Variants in KDM5B observed in about 807,000 individuals in gnomAD.
The protein encoded by KDM5B is lysine-specific demethylase 5B.
Under a neutral mutation model 193.4 loss-of-function variants are expected in KDM5B, and 144 were observed. The observed-to-expected ratio is 0.74, with a 90% CI of 0.65 to 0.86. The LOEUF (loss-of-function observed/expected upper bound fraction) is 0.86. KDM5B is among the 40% of genes least tolerant of loss of function. KDM5B has a pLI of 0.00. For missense variants in KDM5B, 1,833 were observed against 1,886.9 expected (o/e 0.97, Z 0.53); for synonymous variants, 668 against 682.6 (o/e 0.98, Z 0.33).
intron 4 of KDM5B, among the ~76,000 whole-genome samples, chr1:202,772,119 CTA>C (rs1411696569): frequency 6.6e-6 from 1 of 152,118 alleles, no homozygotes; most frequent in African/African-American, 2.4e-5. Flanking sequence ...CCCTCAAAAA[CTA>C]TGTTATTCTC....
intron 14 of KDM5B, among the ~76,000 whole-genome samples, chr1:202,747,130 C>T (rs1374771387): frequency 6.6e-6 from 1 of 152,088 alleles, no homozygotes; most frequent in African/African-American, 2.4e-5. Flanking sequence ...TTCTGTTATC[C>T]TGTATTTTAA....
chr1:202,760,517 C>A lies in KDM5B; in HGVS notation c.975G>T (p.Leu325=). The A allele has an allele frequency of 1.2e-6, 2 of 1,613,474 alleles. No homozygotes were observed. Among genetic ancestry groups the A allele is most frequent in the Non-Finnish European group, 1.7e-6 (2 of 1,179,644 alleles). ...AACTGTCATCACAGCCATCACACAA[C>A]AGTAGCCGGTCTTCATCATTGCCAC... ...CGSGNDEDRL[L]LCDGCDDSYH... The change falls in exon 8 of 27, where the codon CTG becomes CTT. Residue 325 remains leucine (L), a synonymous_variant. Transcript: ENST00000367265.
At chr1:202,730,273 C>T (rs889587822) in intron 25 of KDM5B, among the ~76,000 whole-genome samples, 2 of 152,168 alleles carry the variant, frequency 1.3e-5, no homozygotes, top group African/African-American at 4.8e-5. Context: ...ATGTTAAAGA[C>T]GTGATTACCC....
intron 1 of KDM5B, among the ~76,000 whole-genome samples, chr1:202,780,830 G>A (rs1435501011): frequency 2.0e-5 from 3 of 149,990 alleles, no homozygotes; most frequent in Non-Finnish European, 4.4e-5. Flanking sequence ...GGCAAAAGCT[G>A]TAATTTTGCC....
chr1:202,752,979 C>CA lies in KDM5B; in HGVS notation c.1626dup (p.Val543CysfsTer23), dbSNP rs755833290. 6.2e-7 allele frequency: 1 copy of CA among 1,614,080 alleles called. No individual in the cohort carries two copies. The highest frequency in any genetic ancestry group is 8.5e-7 in the Non-Finnish European group (1 of 1,180,000). On this transcript the variant is annotated frameshift_variant, in exon 12 of 27. Coordinates refer to ENST00000367265, the MANE Select transcript of KDM5B (RefSeq NM_006618.5). LOFTEE classifies it high-confidence loss of function. ...TGATGGAGGAGATCCGGCTGGGACACAAAGAGTTCTGGAGCTAGTTTCTTC... is the reference window on the plus strand; with the variant it reads ...TGATGGAGGAGATCCGGCTGGGACACAAAAGAGTTCTGGAGCTAGTTTCTTC...
chr1:202,799,394 C>A (rs1234504019), intron 1 of KDM5B, among the ~76,000 whole-genome samples: 1 of 152,188 alleles, frequency 6.6e-6, no homozygotes, highest in Non-Finnish European at 1.5e-5. Context: ...TGGCTCGCGC[C>A]TGTAATCCCA....
intron 1 of KDM5B, among the ~76,000 whole-genome samples, chr1:202,794,035 T>C (rs947142177): frequency 2.0e-5 from 3 of 152,154 alleles, no homozygotes; most frequent in African/African-American, 7.2e-5. Context: ...CAGGCAAAAG[T>C]CTAAAGACCT....
At chr1:202,755,138 C>T (rs1655956150) in intron 11 of KDM5B, 133 bp downstream of exon 11, 1 of 621,612 alleles carries the variant, frequency 1.6e-6, no homozygotes, top group Admixed American at 2.9e-5. Context: ...CCTGTTCTAA[C>T]AGAAGTGAAA....
chr1:202,765,397 C>A (rs1386777165), intron 5 of KDM5B, among the ~76,000 whole-genome samples: 1 of 152,168 alleles, frequency 6.6e-6, no homozygotes, highest in Non-Finnish European at 1.5e-5. Flanking sequence ...TGGAACTGTG[C>A]TTTCTCACTT....
chr1:202,741,217 CT>C (rs1473127569), intron 19 of KDM5B, 149 bp downstream of exon 19: 6 of 521,904 alleles, frequency 1.1e-5, no homozygotes, highest in Non-Finnish European at 2.0e-5. Flanking sequence ...CCCAAAGCAG[CT>C]CCAAATATCT....
intron 5 of KDM5B, among the ~76,000 whole-genome samples, chr1:202,766,177 T>C (rs1167205501): frequency 6.6e-6 from 1 of 152,118 alleles, no homozygotes; most frequent in Non-Finnish European, 1.5e-5. Flanking sequence ...ATCATGCCAC[T>C]GCACTCCAGT....
Position 202,808,254 on chromosome 1 carries a change from C to CGA in KDM5B, c.50_51dup (p.Gly18SerfsTer39). The CGA allele has an allele frequency of 6.2e-7, 1 of 1,610,582 alleles. No individual in the cohort carries two copies. Among genetic ancestry groups the CGA allele is most frequent in the Non-Finnish European group, 8.5e-7 (1 of 1,178,942 alleles). ...AACTCGCCCAGCGGGCCCGGGCCCC[C>CGA]GAGGGGCAGCGCCGGGCGCGGGCCT... On this transcript the variant is annotated frameshift_variant, in exon 1 of 27. Coordinates refer to ENST00000367265, the MANE Select transcript of KDM5B (RefSeq NM_006618.5). LOFTEE classifies it high-confidence loss of function.
At chr1:202,766,381 C>A in intron 5 of KDM5B, 1 of 352,616 alleles carries the variant, frequency 2.8e-6, no homozygotes, top group East Asian at 9.6e-5. Context: ...TGGCACACGC[C>A]TGTAGTCCCA....
At chr1:202,766,339 C>T in intron 5 of KDM5B, 1 of 309,494 alleles carries the variant, frequency 3.2e-6, no homozygotes, top group South Asian at 2.5e-5. Context: ...TCGGTCTCTA[C>T]TAAAAATACA....
chr1:202,788,606 T>C (rs1399993361), intron 1 of KDM5B, among the ~76,000 whole-genome samples: 1 of 151,426 alleles, frequency 6.6e-6, no homozygotes, highest in African/African-American at 2.4e-5. Flanking sequence ...GTAGGTCCTC[T>C]AAACAGGAAA....
chr1:202,796,501 T>TG (rs368226169), intron 1 of KDM5B: 1 of 190,402 alleles, frequency 5.3e-6, no homozygotes, highest in African/African-American at 2.4e-5. Context: ...TACATAACCT[T>TG]GGTAGCTGGT....
intron 1 of KDM5B, among the ~76,000 whole-genome samples, chr1:202,782,353 C>A (rs1053011928): frequency 4.6e-5 from 7 of 152,118 alleles, no homozygotes; most frequent in Admixed American, 3.9e-4. Flanking sequence ...CTCAATGGGA[C>A]ACGAATTTTT....
chr1:202,772,292 A>C (rs963174307), intron 4 of KDM5B, among the ~76,000 whole-genome samples: 1 of 152,196 alleles, frequency 6.6e-6, no homozygotes, highest in African/African-American at 2.4e-5. Flanking sequence ...GTTTTACCTA[A>C]AAGTTTTTAA....
chr1:202,732,966 A>C (rs945030719), intron 23 of KDM5B, among the ~76,000 whole-genome samples: 1 of 152,172 alleles, frequency 6.6e-6, no homozygotes, highest in Non-Finnish European at 1.5e-5. Context: ...CTTCCAAAAA[A>C]TATTTTCCCT....
Sources: gnomAD v4.1 joint callset for allele counts (sites outside exome capture counted in the v4.1 genomes callset) on GRCh38, gnomAD v4.1.1 for gene constraint, MANE v1.5 for transcripts, NCBI Gene and HGNC (gene_info 2026-07-23, HGNC 2026-07-21) for gene names.